The following FAM184A variants were observed in gnomAD, a reference collection of about 807,000 sequenced individuals.
FAM184A encodes family with sequence similarity 184 member A, also known as protein FAM184A.
FAM184A carries 99 observed loss-of-function variants against 143.8 expected under a neutral mutation model. The observed-to-expected ratio is 0.69, with a 90% CI of 0.58 to 0.81. The LOEUF (loss-of-function observed/expected upper bound fraction) is 0.81. Among genes scored for constraint, FAM184A ranks in the 40% least tolerant of loss-of-function variants. The pLI is 0.00. For missense variants in FAM184A, 1,217 were observed against 1,310.5 expected (o/e 0.93, Z 1.10); for synonymous variants, 427 against 446.4 (o/e 0.96, Z 0.55).
intron 9 of FAM184A, among the ~76,000 whole-genome samples, chr6:118,985,722 G>A (rs1478152651): frequency 1.3e-5 from 2 of 152,104 alleles, no homozygotes; most frequent in Non-Finnish European, 2.9e-5. Context: ...GATGAATTAT[G>A]ACTGGGACAA....
intron 1 of FAM184A, among the ~76,000 whole-genome samples, chr6:119,044,216 A>G (rs754375097): frequency 1.7e-4 from 26 of 152,318 alleles, no homozygotes; most frequent in Middle Eastern, 3.4e-3. Context: ...CAAATTGGGG[A>G]AGTAAAACTA....
At chr6:118,965,057 G>C (rs529334897) in intron 15 of FAM184A, among the ~76,000 whole-genome samples, 2 of 152,288 alleles carry the variant, frequency 1.3e-5, no homozygotes, top group South Asian at 4.1e-4. Context: ...TGACTATGCA[G>C]TTTGGGCAGG....
intron 1 of FAM184A, among the ~76,000 whole-genome samples, chr6:119,140,370 C>G (rs948258569): frequency 2.6e-5 from 4 of 152,176 alleles, no homozygotes; most frequent in Admixed American, 6.5e-5. Flanking sequence ...AAATGATTCT[C>G]CACTTTCCCT....
chr6:119,084,110 A>T (rs1788148936), intron 1 of FAM184A, among the ~76,000 whole-genome samples: 1 of 152,082 alleles, frequency 6.6e-6, no homozygotes, highest in Non-Finnish European at 1.5e-5. Flanking sequence ...AGAGAAAGCA[A>T]AGGGGGAGGT....
chr6:118,984,402 T>C (rs986223055), intron 9 of FAM184A, among the ~76,000 whole-genome samples: 1 of 151,710 alleles, frequency 6.6e-6, no homozygotes, highest in African/African-American at 2.4e-5. Flanking sequence ...GGTCTTGAAC[T>C]CCTGGGCTCA....
At chr6:119,077,645 G>A (rs1382883080) in intron 1 of FAM184A, among the ~76,000 whole-genome samples, 1 of 152,168 alleles carries the variant, frequency 6.6e-6, no homozygotes, top group Non-Finnish European at 1.5e-5. Flanking sequence ...CTCATTAAAT[G>A]CCCCAAATTG....
chr6:119,011,608 A>C (rs1413907), intron 5 of FAM184A, among the ~76,000 whole-genome samples, 177 bp from the exon 6 acceptor site: 4,149 of 152,276 alleles, frequency 0.027, 214 homozygotes, highest in African/African-American at 0.094. Flanking sequence ...AGATTCTATC[A>C]TTCTGACTCA....
intron 1 of FAM184A, among the ~76,000 whole-genome samples, chr6:119,053,607 A>G (rs1186208220): frequency 6.6e-6 from 1 of 152,204 alleles, no homozygotes; most frequent in Non-Finnish European, 1.5e-5. Context: ...AATTTAGGGT[A>G]GAGGTAGGAT....
At chr6:119,124,015 C>T (rs1789293665) in intron 1 of FAM184A, among the ~76,000 whole-genome samples, 1 of 152,162 alleles carries the variant, frequency 6.6e-6, no homozygotes, top group Non-Finnish European at 1.5e-5. Flanking sequence ...AACATAGTGA[C>T]TATTGCTATT....
At chr6:119,012,248 G>A (rs906749641) in intron 5 of FAM184A, among the ~76,000 whole-genome samples, 5 of 152,168 alleles carry the variant, frequency 3.3e-5, no homozygotes, top group African/African-American at 1.2e-4. Context: ...CAATATTTCT[G>A]TAGTGTAAAA....
intron 9 of FAM184A, among the ~76,000 whole-genome samples, chr6:118,991,116 G>C (rs1784363966): frequency 6.6e-6 from 1 of 151,744 alleles, no homozygotes; most frequent in African/African-American, 2.4e-5. Flanking sequence ...ATGACTGGAG[G>C]AGATATTGAG....
Position 119,038,688 on chromosome 6 carries a change from G to A in FAM184A, c.160-13875C>T, listed in dbSNP as rs373472524. 3.9e-5 allele frequency among the ~76,000 whole-genome samples: 6 copies of A among 152,174 alleles called. No homozygotes were observed. The East Asian group carries it at 7.7e-4, about 20-fold the overall frequency. ...CAGCCCTCAGGGCTGCTCTGTCTATGGAGTAGCCATTATTTTATTTCTTTA... is the reference window on the plus strand; with the variant it reads ...CAGCCCTCAGGGCTGCTCTGTCTATAGAGTAGCCATTATTTTATTTCTTTA... On this transcript the variant is annotated intron_variant, in intron 1 of 17. Transcript: ENST00000338891.
intron 1 of FAM184A, among the ~76,000 whole-genome samples, chr6:119,105,790 A>G (rs1788761702): frequency 6.6e-6 from 1 of 152,216 alleles, no homozygotes; most frequent in Admixed American, 6.5e-5. Flanking sequence ...TCAATAATAG[A>G]AATACATTTA....
rs188972426 is a variant in FAM184A at position 118,963,373 on chromosome 6, T to C, written c.3138+1294A>G. ...TAATCTTGCTTTATAATTAAAATCT[T>C]ATTTCACCCTAAATTATGAATTAAA... On this transcript the variant is annotated intron_variant, in intron 16 of 17. Transcript: ENST00000338891. 7.2e-4 allele frequency: 110 copies of C among 152,262 alleles called. 1 individual carries two copies. The highest frequency in any genetic ancestry group is 2.6e-3 in the African/African-American group (107 of 41,580). The allele number at this position is 152,262 out of a possible 1,614,324, so 9.4% of individuals were successfully genotyped here.
At chr6:118,987,930 G>A (rs185864825) in intron 9 of FAM184A, among the ~76,000 whole-genome samples, 718 of 152,248 alleles carry the variant, frequency 4.7e-3, no homozygotes, top group Non-Finnish European at 8.7e-3. Context: ...AAAGTTAGAA[G>A]CTTTTATTAC....
rs373291497 is a variant in FAM184A at position 118,994,153 on chromosome 6, C to A, written c.2088+8746G>T. Among the ~76,000 whole-genome samples, 8 of 152,170 alleles carry A rather than the reference C, an allele frequency of 5.3e-5. No individual in the cohort carries two copies. The East Asian group carries it at 1.3e-3, about 26-fold the overall frequency. On this transcript the variant is annotated intron_variant, in intron 9 of 17. Coordinates refer to ENST00000338891, the MANE Select transcript of FAM184A (RefSeq NM_024581.6). ...TGTTTACCACAGTTGCAATTTAACACCCAATTTGCAGTTCAGATTGTAAGC... is the reference window on the plus strand; with the variant it reads ...TGTTTACCACAGTTGCAATTTAACAACCAATTTGCAGTTCAGATTGTAAGC...
At chr6:118,979,263 G>T in intron 11 of FAM184A, 102 bp downstream of exon 11, 5 of 1,139,714 alleles carry the variant, frequency 4.4e-6, no homozygotes, top group Non-Finnish European at 6.2e-6. Context: ...TCATTTTGAC[G>T]TTTCAAAATT....
intron 1 of FAM184A, among the ~76,000 whole-genome samples, chr6:119,125,503 C>T (rs1446547005): frequency 6.6e-6 from 1 of 152,178 alleles, no homozygotes; most frequent in Non-Finnish European, 1.5e-5. Flanking sequence ...GAACTCCTGA[C>T]CTCGTGATCT....
At chr6:119,009,936 A>C (rs1487655544) in intron 6 of FAM184A, among the ~76,000 whole-genome samples, 1 of 152,176 alleles carries the variant, frequency 6.6e-6, no homozygotes, top group Non-Finnish European at 1.5e-5. Flanking sequence ...TCTCTTTAAC[A>C]TCTCAGAATG....
Sources: allele counts gnomAD v4.1 joint callset (sites outside exome capture counted in the v4.1 genomes callset), GRCh38; gene constraint gnomAD v4.1.1; transcripts MANE v1.5; gene names NCBI Gene and HGNC (gene_info 2026-07-23, HGNC 2026-07-21).